Variants in EYS observed in about 807,000 individuals in gnomAD.
EYS encodes the protein protein eyes shut homolog.
A neutral mutation model predicts 282.1 loss-of-function variants in EYS; 250 were observed. That is an observed-to-expected ratio of 0.89 (90% CI 0.80 to 0.98). The LOEUF (loss-of-function observed/expected upper bound fraction) is 0.98. Ranked by LOEUF, EYS falls within the 50% of genes least tolerant of loss-of-function variation. The pLI is 0.00. For synonymous variants in EYS, 1,355 were observed against 1,282.9 expected (o/e 1.06, Z -1.20); for missense variants, 4,016 against 3,709.0 (o/e 1.08, Z -2.15).
intron 12 of EYS, among the ~76,000 whole-genome samples, chr6:65,267,833 T>G (rs1450875383): frequency 6.6e-6 from 1 of 151,926 alleles, no homozygotes; most frequent in Non-Finnish European, 1.5e-5. Context: ...TATTTTAAAT[T>G]TTTCTATCCA....
rs528032036 is a variant in EYS at position 63,853,909 on chromosome 6, G to GAAAA, written c.7228+10276_7228+10277insTTTT. On this transcript the variant is annotated intron_variant, in intron 36 of 42. Coordinates refer to ENST00000503581, the MANE Select transcript of EYS (RefSeq NM_001142800.2). ...AAGGATTCCTTATTTAGTAAATGGT[G>GAAAA]CTGGGAAAACTGGCTAGTCATATGC... Among the ~76,000 whole-genome samples, 1,417 of 152,278 alleles carry GAAAA rather than the reference G, an allele frequency of 9.3e-3. 5 individuals are homozygous for GAAAA. The highest frequency in any genetic ancestry group is 0.015 in the Non-Finnish European group (1,006 of 68,018).
intron 29 of EYS, among the ~76,000 whole-genome samples, chr6:64,353,647 T>C (rs181253078): frequency 1.3e-5 from 2 of 151,756 alleles, no homozygotes; most frequent in East Asian, 2.0e-4. Flanking sequence ...AGGAAGCATA[T>C]TAAATTATCA....
Position 63,804,316 on chromosome 6 carries a change from G to A in EYS, c.7411+1874C>T, listed in dbSNP as rs576505868. 1.4e-4 allele frequency among the ~76,000 whole-genome samples: 21 copies of A among 152,204 alleles called. No individual in the cohort carries two copies. The South Asian group carries it at 2.9e-3, about 21-fold the overall frequency. ...CAGGCGTGAGTCACCGCGCCTGGCC[G>A]AGTCCAACAATATTTTAAGAGCTTC... On this transcript the variant is annotated intron_variant, in intron 37 of 42. Transcript: ENST00000503581.
intron 29 of EYS, among the ~76,000 whole-genome samples, chr6:64,374,070 T>A (rs2150415644): frequency 6.6e-6 from 1 of 152,022 alleles, no homozygotes; most frequent in East Asian, 1.9e-4. Flanking sequence ...TAGCAAGCAT[T>A]GCCTACGTGG....
At chr6:63,877,762 G>A (rs954256709) in intron 35 of EYS, among the ~76,000 whole-genome samples, 6 of 151,908 alleles carry the variant, frequency 3.9e-5, no homozygotes, top group African/African-American at 7.3e-5. Flanking sequence ...TGATCAAATC[G>A]GCTACTGAAG....
chr6:64,690,290 A>C (rs1213867045), intron 22 of EYS, among the ~76,000 whole-genome samples: 1 of 152,146 alleles, frequency 6.6e-6, no homozygotes, highest in Non-Finnish European at 1.5e-5. Context: ...ACCATCTCAC[A>C]CCAGTTAGAA....
intron 12 of EYS, among the ~76,000 whole-genome samples, chr6:65,179,928 G>T (rs1581987853): frequency 6.6e-6 from 1 of 152,038 alleles, no homozygotes. Flanking sequence ...ATGTAATCCA[G>T]CATATAAACA....
At chr6:65,171,139 A>T (rs1192381493) in intron 12 of EYS, among the ~76,000 whole-genome samples, 1 of 151,598 alleles carries the variant, frequency 6.6e-6, no homozygotes, top group Non-Finnish European at 1.5e-5. Flanking sequence ...AAATAGTTAT[A>T]GGCAGCTTTA....
At chr6:64,564,017 A>G (rs1765483761) in intron 26 of EYS, among the ~76,000 whole-genome samples, 2 of 151,942 alleles carry the variant, frequency 1.3e-5, no homozygotes, top group Non-Finnish European at 1.5e-5. Flanking sequence ...TCAAAAAAAC[A>G]AATGTCATAT....
At chr6:63,847,077 G>A (rs527380185) in intron 36 of EYS, among the ~76,000 whole-genome samples, 2 of 152,170 alleles carry the variant, frequency 1.3e-5, no homozygotes, top group African/African-American at 2.4e-5. Flanking sequence ...TGAGACATGA[G>A]TTATATTTCT....
At chr6:65,554,526 G>A (rs976733271) in intron 2 of EYS, among the ~76,000 whole-genome samples, 1 of 151,934 alleles carries the variant, frequency 6.6e-6, no homozygotes, top group Non-Finnish European at 1.5e-5. Flanking sequence ...CTCTATTACA[G>A]TTTCCATAAC....
chr6:65,695,212 T>C (rs1482934628), intron 1 of EYS, among the ~76,000 whole-genome samples: 1 of 152,040 alleles, frequency 6.6e-6, no homozygotes, highest in East Asian at 1.9e-4. Flanking sequence ...GAGTTATGTG[T>C]GGAATATTTT....
intron 31 of EYS, among the ~76,000 whole-genome samples, chr6:64,224,123 T>A (rs577012839): frequency 2.6e-5 from 4 of 152,196 alleles, no homozygotes; most frequent in African/African-American, 9.6e-5. Flanking sequence ...AAATAATACA[T>A]GAAAGGACAT....
At chr6:64,954,956 A>G (rs9445448) in intron 14 of EYS, among the ~76,000 whole-genome samples, 341 of 152,172 alleles carry the variant, frequency 2.2e-3, no homozygotes, top group African/African-American at 7.8e-3. Flanking sequence ...ATCACCTGAG[A>G]TCAGGAGTTC....
At position 64,001,701 on chromosome 6, in the gene EYS, A is replaced by C. The variant is rs562916338; in HGVS notation, c.6726-2518T>G. Reference sequence around the variant, plus strand: ...ATAATTCATCCAGCTCTTAAACAAGAGTTATAGAATAATAGTAACACAGAA... The same window carrying C: ...ATAATTCATCCAGCTCTTAAACAAGCGTTATAGAATAATAGTAACACAGAA... On this transcript the variant is annotated intron_variant, in intron 33 of 42. Coordinates refer to ENST00000503581, the MANE Select transcript of EYS (RefSeq NM_001142800.2). Among the ~76,000 whole-genome samples the C allele has an allele frequency of 6.6e-5, 10 of 152,358 alleles. No individual in the cohort carries two copies. In the East Asian group the frequency reaches 1.7e-3, roughly 26 times the overall value.
intron 15 of EYS, among the ~76,000 whole-genome samples, chr6:64,916,237 T>A (rs2150078809): frequency 6.6e-6 from 1 of 152,320 alleles, no homozygotes; most frequent in African/African-American, 2.4e-5. Context: ...ACTTGGTTAA[T>A]TTAAAAGAGT....
chr6:65,003,857 T>C (rs1312349148), intron 13 of EYS, among the ~76,000 whole-genome samples: 1 of 147,248 alleles, frequency 6.8e-6, no homozygotes, highest in African/African-American at 2.4e-5. Flanking sequence ...TAGACCTTTG[T>C]TTATTTCTGT....
At chr6:65,212,884 T>C (rs1766208610) in intron 12 of EYS, among the ~76,000 whole-genome samples, 1 of 152,112 alleles carries the variant, frequency 6.6e-6, no homozygotes, top group Non-Finnish European at 1.5e-5. Context: ...ATTCTTATGA[T>C]AATATGTAAA....
chr6:65,148,607 G>C (rs150924758), intron 12 of EYS, among the ~76,000 whole-genome samples: 7 of 151,988 alleles, frequency 4.6e-5, no homozygotes, highest in Non-Finnish European at 1.0e-4. Context: ...TACTGTTCTG[G>C]GGGCTGGAGG....
Sources: gnomAD v4.1 joint callset for allele counts (sites outside exome capture counted in the v4.1 genomes callset) on GRCh38, gnomAD v4.1.1 for gene constraint, MANE v1.5 for transcripts, NCBI Gene and HGNC (gene_info 2026-07-23, HGNC 2026-07-21) for gene names.